Variants in DYSF observed in about 807,000 individuals in gnomAD.
DYSF encodes dystrophy-associated fer-1-like 1.
A neutral mutation model predicts 274.9 loss-of-function variants in DYSF; 212 were observed. The observed-to-expected ratio is 0.77, with a 90% CI of 0.69 to 0.86. The LOEUF is 0.86. Ranked by LOEUF, DYSF falls within the 40% of genes least tolerant of loss-of-function variation. The pLI is 0.00. For missense variants in DYSF, 2,666 were observed against 2,783.2 expected (o/e 0.96, Z 0.95); for synonymous variants, 1,091 against 1,078.7 (o/e 1.01, Z -0.22).
Position 71,526,311 on chromosome 2 carries a change from G to A in DYSF, c.1241G>A (p.Cys414Tyr), listed in dbSNP as rs770578593. The A allele has an allele frequency of 1.2e-5, 19 of 1,613,938 alleles. No homozygotes were observed. In the South Asian group the frequency reaches 2.1e-4, roughly 18 times the overall value. The change falls in exon 13 of 56, where the codon TGC (cysteine) becomes TAC (tyrosine). Residue 414 changes from cysteine to tyrosine, a missense_variant. Coordinates refer to ENST00000410020, the MANE Select transcript of DYSF (RefSeq NM_001130987.2). Reference protein sequence around the residue: ...TGVALRGAHFCLKVFRAEDLP... With the variant: ...TGVALRGAHFYLKVFRAEDLP... ...GTAGCCCTGCGAGGAGCCCACTTCT[G>A]CCTGAAGGTCTTCCGGGCCGAGGAC...
intron 3 of DYSF, among the ~76,000 whole-genome samples, chr2:71,494,984 G>A (rs767589045): frequency 7.9e-5 from 12 of 152,214 alleles, no homozygotes; most frequent in Non-Finnish European, 1.3e-4. Flanking sequence ...GACAGTCACT[G>A]GGTGGGATGG....
At chr2:71,553,239 G>A (rs777165268) in intron 20 of DYSF, 51 bp downstream of exon 20, 1 of 1,611,248 alleles carries the variant, frequency 6.2e-7, no homozygotes, top group African/African-American at 1.3e-5. Flanking sequence ...ATAGAGCAGG[G>A]GGCCACACCT....
chr2:71,656,324 G>T lies in DYSF; in HGVS notation c.4755+34G>T, dbSNP rs761416100. On this transcript the variant is annotated intron_variant, in intron 43 of 55. Coordinates refer to ENST00000410020, the MANE Select transcript of DYSF (RefSeq NM_001130987.2). The stretch of plus-strand genomic sequence containing the variant: ...TCGAAGACGTCCCTAACCCAGGTGG[G>T]CCTAAGACTGTGGTGTTGGAGCAAT... 3.1e-6 allele frequency: 5 copies of T among 1,612,290 alleles called. No individual in the cohort carries two copies. The South Asian group carries it at 5.5e-5, about 18-fold the overall frequency.
intron 7 of DYSF, among the ~76,000 whole-genome samples, chr2:71,514,799 C>T (rs1245544291): frequency 6.6e-6 from 1 of 152,132 alleles, no homozygotes; most frequent in African/African-American, 2.4e-5. Context: ...AAAATTCTAG[C>T]CCCCATACTA....
chr2:71,602,815 G>GCCCA lies in DYSF; in HGVS notation c.3957+11_3957+12insCCAC. ...AAGGATCCTGGATGAGGTGAGCTGG[G>GCCCA]CGTGGTGGTTGGGATGGGTGGGCCG... On this transcript the variant is annotated intron_variant, in intron 36 of 55. Transcript: ENST00000410020. 6.2e-7 allele frequency: 1 copy of GCCCA among 1,612,986 alleles called. No individual in the cohort carries two copies. Among genetic ancestry groups the GCCCA allele is most frequent in the Non-Finnish European group, 8.5e-7 (1 of 1,179,896 alleles).
chr2:71,617,448 G>A (rs959288286), intron 40 of DYSF, among the ~76,000 whole-genome samples: 2 of 152,254 alleles, frequency 1.3e-5, no homozygotes, highest in African/African-American at 4.8e-5. Flanking sequence ...TGGGTGAACA[G>A]GGGAGGACAG....
intron 42 of DYSF, among the ~76,000 whole-genome samples, chr2:71,649,815 C>T (rs1385533840): frequency 2.0e-5 from 3 of 152,118 alleles, no homozygotes; most frequent in Non-Finnish European, 4.4e-5. Flanking sequence ...TTACTAATTA[C>T]AAAATTTAAA....
rs372682959 is a variant in DYSF, at chr2:71,571,530, GCA to G, written c.3228+798_3228+799del. 6.4e-3 allele frequency among the ~76,000 whole-genome samples: 639 copies of G among 99,252 alleles called. 15 individuals carry two copies. Among genetic ancestry groups the G allele is most frequent in the Middle Eastern group, 0.032 (3 of 94 alleles). 65.1% of individuals were successfully genotyped at this position (99,252 alleles called of 152,430 possible). A position where few individuals can be genotyped will look rare whatever the true frequency, so the allele number is the denominator to read the frequency against. ...ACCCACCACACACAGCTCACACCCA[GCA>G]CACACACATCACACCCAGCACACGC... On this transcript the variant is annotated intron_variant, in intron 29 of 55. Transcript: ENST00000410020.
At chr2:71,643,142 G>A (rs1279374049) in intron 41 of DYSF, among the ~76,000 whole-genome samples, 2 of 152,060 alleles carry the variant, frequency 1.3e-5, no homozygotes, top group South Asian at 2.1e-4. Context: ...CCCACCTGCC[G>A]AGACAGGACA....
chr2:71,568,463 A>T, intron 26 of DYSF, 125 bp downstream of exon 26: 1 of 1,300,292 alleles, frequency 7.7e-7, no homozygotes, highest in Admixed American at 2.0e-5. Flanking sequence ...TGGTCATAGG[A>T]ACTTCCGCTG....
chr2:71,678,975 C>G, intron 52 of DYSF, 82 bp from the exon 53 acceptor site: 1 of 1,374,026 alleles, frequency 7.3e-7, no homozygotes, highest in South Asian at 1.2e-5. Context: ...CTGAGTTTTT[C>G]CTGAACCTGC....
chr2:71,586,411 C>T (rs1217132414), intron 30 of DYSF, among the ~76,000 whole-genome samples: 1 of 152,008 alleles, frequency 6.6e-6, no homozygotes, highest in Non-Finnish European at 1.5e-5. Flanking sequence ...GGGCAGCAGG[C>T]CCCTGGACCA....
chr2:71,677,073 C>T (rs530096398), intron 52 of DYSF, among the ~76,000 whole-genome samples: 14 of 151,928 alleles, frequency 9.2e-5, no homozygotes, highest in African/African-American at 2.2e-4. Flanking sequence ...AGATGAATGC[C>T]GATATACAGT....
At chr2:71,633,548 C>A (rs2094348593) in intron 41 of DYSF, among the ~76,000 whole-genome samples, 1 of 152,138 alleles carries the variant, frequency 6.6e-6, no homozygotes, top group Non-Finnish European at 1.5e-5. Context: ...CTGAGCCTTA[C>A]AGTAACCCCA....
At chr2:71,513,127 C>T in intron 5 of DYSF, 113 bp from the exon 6 acceptor site, 4 of 986,580 alleles carry the variant, frequency 4.1e-6, no homozygotes, top group African/African-American at 1.6e-5. Context: ...AGCTTTGCAC[C>T]AGGCTGGGGT....
Position 71,669,047 on chromosome 2 carries a change from C to T in DYSF, c.5547-65C>T, listed in dbSNP as rs556365740. ...ACCAGTCTGCTTCTTGGCTTCTTGG[C>T]TTCTTAAGGCCTTCCCATCCTTTGG... On this transcript the variant is annotated intron_variant, in intron 49 of 55. Coordinates refer to ENST00000410020, the MANE Select transcript of DYSF (RefSeq NM_001130987.2). The T allele has an allele frequency of 6.9e-6, 10 of 1,453,694 alleles. No homozygotes were observed. In the East Asian group the frequency reaches 2.0e-4, roughly 28 times the overall value. 90.0% of individuals were successfully genotyped at this position (1,453,694 alleles called of 1,614,324 possible).
At chr2:71,565,556 C>T (rs756332376) in intron 24 of DYSF, among the ~76,000 whole-genome samples, 3 of 152,144 alleles carry the variant, frequency 2.0e-5, no homozygotes, top group Non-Finnish European at 2.9e-5. Flanking sequence ...TCCAGGAAGT[C>T]GTTGTTGACT....
At chr2:71,641,423 C>T (rs189972995) in intron 41 of DYSF, among the ~76,000 whole-genome samples, 1,807 of 152,156 alleles carry the variant, frequency 0.012, 22 homozygotes, top group Middle Eastern at 0.044. Context: ...TCGTGATCCA[C>T]CCGCCTCGGC....
chr2:71,546,968 C>T (rs1442041016), intron 17 of DYSF, among the ~76,000 whole-genome samples: 1 of 152,214 alleles, frequency 6.6e-6, no homozygotes, highest in Non-Finnish European at 1.5e-5. Context: ...TGCTGTCTAT[C>T]TCCTTCAGCT....
Sources: gnomAD v4.1 joint callset for allele counts (sites outside exome capture counted in the v4.1 genomes callset) on GRCh38, gnomAD v4.1.1 for gene constraint, MANE v1.5 for transcripts, NCBI Gene and HGNC (gene_info 2026-07-23, HGNC 2026-07-21) for gene names.